The following FREM2 variants were observed in gnomAD, a reference collection of about 807,000 sequenced individuals.
FREM2 encodes FRAS1 related extracellular matrix 2, also known as FRAS1-related extracellular matrix protein 2.
A neutral mutation model predicts 219.9 loss-of-function variants in FREM2; 119 were observed. The observed-to-expected ratio is 0.54, with a 90% CI of 0.47 to 0.63. FREM2 has a LOEUF of 0.63. Ranked by LOEUF, FREM2 falls within the 30% of genes least tolerant of loss-of-function variation. The pLI is 0.00. For synonymous variants in FREM2, 1,562 were observed against 1,522.8 expected (o/e 1.03, Z -0.60); for missense variants, 4,030 against 3,993.6 (o/e 1.01, Z -0.25).
intron 2 of FREM2, among the ~76,000 whole-genome samples, chr13:38,761,272 AG>A (rs1273353105): frequency 1.3e-5 from 2 of 152,190 alleles, no homozygotes; most frequent in Non-Finnish European, 2.9e-5. Context: ...GACAAGAAAA[AG>A]CTTGGTAGAG....
chr13:38,782,356 A>G (rs1162009239), intron 4 of FREM2, among the ~76,000 whole-genome samples: 1 of 151,964 alleles, frequency 6.6e-6, no homozygotes, highest in African/African-American at 2.4e-5. Flanking sequence ...TACTTTTGCC[A>G]TTTTTATTAT....
At chr13:38,735,452 C>T (rs1871952144) in intron 2 of FREM2, among the ~76,000 whole-genome samples, 2 of 152,106 alleles carry the variant, frequency 1.3e-5, no homozygotes, top group South Asian at 4.2e-4. Context: ...ATGGTTCTCT[C>T]TGATTATATC....
chr13:38,764,781 G>A (rs1002892509), intron 3 of FREM2, among the ~76,000 whole-genome samples: 1 of 152,156 alleles, frequency 6.6e-6, no homozygotes, highest in Admixed American at 6.5e-5. Flanking sequence ...CATGAGTATC[G>A]TGACCTTTCT....
At chr13:38,810,368 G>T (rs1047807525) in intron 6 of FREM2, among the ~76,000 whole-genome samples, 2 of 152,010 alleles carry the variant, frequency 1.3e-5, no homozygotes, top group African/African-American at 4.8e-5. Flanking sequence ...GGTTAACAGT[G>T]GTGAAAGTGG....
At chr13:38,768,125 T>C (rs1421118260) in intron 3 of FREM2, among the ~76,000 whole-genome samples, 3 of 152,224 alleles carry the variant, frequency 2.0e-5, no homozygotes, top group Non-Finnish European at 2.9e-5. Context: ...ATGGATCTTA[T>C]TTAGTTCAGT....
At chr13:38,739,068 G>T (rs1872124106) in intron 2 of FREM2, among the ~76,000 whole-genome samples, 1 of 152,126 alleles carries the variant, frequency 6.6e-6, no homozygotes, top group Non-Finnish European at 1.5e-5. Flanking sequence ...TATACAGAAT[G>T]CTTGGCAATG....
At chr13:38,732,327 A>T (rs2496450) in intron 2 of FREM2, among the ~76,000 whole-genome samples, 1 of 152,046 alleles carries the variant, frequency 6.6e-6, no homozygotes, top group East Asian at 1.9e-4. Context: ...ATTGGACTTC[A>T]CTAGTCTATG....
chr13:38,694,103 T>C (rs938381997), intron 1 of FREM2, among the ~76,000 whole-genome samples: 5 of 152,324 alleles, frequency 3.3e-5, no homozygotes, highest in Non-Finnish European at 7.3e-5. Context: ...GGCAAATGAT[T>C]TAATTTAAAT....
At chr13:38,876,740 C>G (rs948042381) in intron 20 of FREM2, among the ~76,000 whole-genome samples, 1 of 152,132 alleles carries the variant, frequency 6.6e-6, no homozygotes, top group Non-Finnish European at 1.5e-5. Context: ...TCCTGTAGCT[C>G]AAACCACCTC....
In FREM2 at chr13:38,769,609, A is replaced by G. The variant is rs778305924; in HGVS notation, c.5442A>G (p.Lys1814=). ...SIGTRDRTAE[K]DKDFKGKAQK... ...GCACAAGAGACAGAACTGCAGAAAA[A>G]GACAAAGACTTCAAGGGCAAAGCAC... The change falls in exon 4 of 24, where the codon AAA becomes AAG. Residue 1814 remains lysine, a synonymous_variant. Coordinates refer to ENST00000280481, the MANE Select transcript of FREM2 (RefSeq NM_207361.6). 1 of 1,614,132 alleles carries G rather than the reference A, an allele frequency of 6.2e-7. No individual in the cohort carries two copies. Among genetic ancestry groups the G allele is most frequent in the South Asian group, 1.1e-5 (1 of 91,078 alleles).
intron 6 of FREM2, among the ~76,000 whole-genome samples, chr13:38,802,194 G>A (rs575867418): frequency 1.3e-5 from 2 of 152,226 alleles, no homozygotes; most frequent in Non-Finnish European, 2.9e-5. Context: ...CACCAGTGGA[G>A]TGCTCAGGTG....
chr13:38,698,190 G>A (rs1300154153), intron 2 of FREM2, among the ~76,000 whole-genome samples: 1 of 152,166 alleles, frequency 6.6e-6, no homozygotes, highest in African/African-American at 2.4e-5. Context: ...GCTTTTTCCT[G>A]ATTTGCTCAT....
chr13:38,811,213 TAGTC>T (rs1875463186), intron 6 of FREM2, among the ~76,000 whole-genome samples: 1 of 152,030 alleles, frequency 6.6e-6, no homozygotes, highest in South Asian at 2.1e-4. Flanking sequence ...CTTTTTTTCT[TAGTC>T]TGGCTAACAG....
chr13:38,844,450 TA>T (rs1877075530), intron 6 of FREM2, among the ~76,000 whole-genome samples: 1 of 152,204 alleles, frequency 6.6e-6, no homozygotes, highest in Non-Finnish European at 1.5e-5. Flanking sequence ...TTTTTTCTTA[TA>T]AAAACTACAC....
intron 2 of FREM2, among the ~76,000 whole-genome samples, chr13:38,727,507 A>G (rs945787246): frequency 1.1e-4 from 16 of 152,166 alleles, no homozygotes; most frequent in Admixed American, 9.2e-4. Flanking sequence ...AACAAAACAA[A>G]AACCAGATCA....
At chr13:38,725,119 A>T (rs552910573) in intron 2 of FREM2, among the ~76,000 whole-genome samples, 1 of 152,356 alleles carries the variant, frequency 6.6e-6, no homozygotes, top group Non-Finnish European at 1.5e-5. Context: ...TATGCTGTAT[A>T]GGCCATAGCC....
At chr13:38,739,644 T>A (rs1456800257) in intron 2 of FREM2, among the ~76,000 whole-genome samples, 1 of 152,140 alleles carries the variant, frequency 6.6e-6, no homozygotes, top group Non-Finnish European at 1.5e-5. Context: ...CTCTTCCTTT[T>A]TCACTGGCTC....
intron 2 of FREM2, among the ~76,000 whole-genome samples, chr13:38,763,337 T>C (rs1006282595): frequency 1.3e-5 from 2 of 151,454 alleles, no homozygotes; most frequent in African/African-American, 4.9e-5. Context: ...TTTTCCCTTG[T>C]GTAGATTTTT....
At chr13:38,779,453 A>G (rs1428841573) in intron 4 of FREM2, 1 of 152,124 alleles carries the variant, frequency 6.6e-6, no homozygotes, top group Admixed American at 6.5e-5. Context: ...ACATACTGAA[A>G]TTGGAGTTAG....
Sources: gnomAD v4.1 joint callset for allele counts (sites outside exome capture counted in the v4.1 genomes callset) on GRCh38, gnomAD v4.1.1 for gene constraint, MANE v1.5 for transcripts, NCBI Gene and HGNC (gene_info 2026-07-23, HGNC 2026-07-21) for gene names.